The following PHF24 variants were observed in gnomAD, a reference collection of about 807,000 sequenced individuals.
The protein encoded by PHF24 is Galpha inhibitory interacting protein.
In PHF24, 25 loss-of-function variants were observed where a neutral mutation model predicts 42.6. The observed-to-expected ratio is 0.59, with a 90% CI of 0.43 to 0.82. PHF24 has a LOEUF of 0.82. PHF24 is among the 40% of genes least tolerant of loss of function. The probability of loss-of-function intolerance (pLI) is 0.00; values close to 1 mark genes in which losing one functional copy is unlikely to be tolerated. For synonymous variants in PHF24, 185 were observed against 204.8 expected (o/e 0.90, Z 0.83); for missense variants, 470 against 538.1 (o/e 0.87, Z 1.25).
At chr9:34,850,982 G>A in the PHF24 span, among the ~76,000 whole-genome samples, 1 of 152,276 alleles carries the variant, frequency 6.6e-6, no homozygotes, top group Admixed American at 6.5e-5. Flanking sequence ...GGAGTACCCG[G>A]CCATGTGAGG....
the PHF24 span, among the ~76,000 whole-genome samples, chr9:34,671,833 A>G: frequency 9.9e-5 from 15 of 151,778 alleles, no homozygotes; most frequent in Admixed American, 1.3e-4. Flanking sequence ...CCATCCATCC[A>G]TCCATCCATC....
chr9:34,936,680 C>T, the PHF24 span, among the ~76,000 whole-genome samples: 2 of 151,652 alleles, frequency 1.3e-5, no homozygotes, highest in African/African-American at 4.9e-5. Context: ...CTCTGCCCGG[C>T]CACCCATCGT....
At chr9:34,882,611 C>G in the PHF24 span, among the ~76,000 whole-genome samples, 1 of 150,772 alleles carries the variant, frequency 6.6e-6, no homozygotes, top group Non-Finnish European at 1.5e-5. Context: ...CTCCTGTTCA[C>G]AATTGCTTCA....
the PHF24 span, among the ~76,000 whole-genome samples, chr9:34,840,053 G>A: frequency 6.6e-6 from 1 of 152,172 alleles, no homozygotes; most frequent in African/African-American, 2.4e-5. Context: ...CTTTAGCAGA[G>A]GTGCAGATGA....
chr9:34,678,878 C>T, the PHF24 span, among the ~76,000 whole-genome samples: 127 of 152,344 alleles, frequency 8.3e-4, 1 homozygote, highest in Non-Finnish European at 1.2e-3. Flanking sequence ...GATCCGTCTG[C>T]CTTGGCCTCC....
At chr9:34,927,354 C>T in the PHF24 span, among the ~76,000 whole-genome samples, 2 of 152,070 alleles carry the variant, frequency 1.3e-5, no homozygotes, top group African/African-American at 2.4e-5. Context: ...CAGTGGCTAC[C>T]GGCCCCCAGA....
At chr9:34,924,686 T>C in the PHF24 span, among the ~76,000 whole-genome samples, 1 of 152,220 alleles carries the variant, frequency 6.6e-6, no homozygotes, top group Non-Finnish European at 1.5e-5. Flanking sequence ...AGTGTGTTTC[T>C]TGTAGGCAGC....
At chr9:34,954,203 C>T (rs1393123296), upstream of PHF24, among the ~76,000 whole-genome samples, 2 of 152,238 alleles carry the variant, frequency 1.3e-5, no homozygotes, top group African/African-American at 2.4e-5. Flanking sequence ...AGAACCAAGA[C>T]GTAGGAAGAG....
At chr9:34,822,694 T>A in the PHF24 span, among the ~76,000 whole-genome samples, 1 of 152,172 alleles carries the variant, frequency 6.6e-6, no homozygotes, top group Non-Finnish European at 1.5e-5. Context: ...TGGACCTTGT[T>A]TAAAAAACAG....
At chr9:34,764,442 A>G in the PHF24 span, among the ~76,000 whole-genome samples, 28,920 of 151,118 alleles carry the variant, frequency 0.19, 1,414 homozygotes, top group African/African-American at 0.32. Flanking sequence ...TGTATGTGTC[A>G]AGGAATTTAT....
At chr9:34,826,806 T>C in the PHF24 span, among the ~76,000 whole-genome samples, 1 of 152,174 alleles carries the variant, frequency 6.6e-6, no homozygotes, top group Non-Finnish European at 1.5e-5. Context: ...CACTGATGTA[T>C]TCCTAGCATC....
the PHF24 span, chr9:34,917,717 A>G: frequency 1.3e-6 from 1 of 797,908 alleles, no homozygotes; most frequent in South Asian, 1.3e-5. Flanking sequence ...GGCTCATTAC[A>G]GCGCCTGCTT....
chr9:34,951,646 C>A, the PHF24 span, among the ~76,000 whole-genome samples: 4 of 152,144 alleles, frequency 2.6e-5, no homozygotes, highest in African/African-American at 9.7e-5. Flanking sequence ...TGATTTTATC[C>A]CCCATAGGAC....
At chr9:34,769,457 C>T in the PHF24 span, among the ~76,000 whole-genome samples, 1 of 152,118 alleles carries the variant, frequency 6.6e-6, no homozygotes, top group African/African-American at 2.4e-5. Context: ...ATACCATATT[C>T]TAAGGGATAG....
the PHF24 span, among the ~76,000 whole-genome samples, chr9:34,950,574 T>G: frequency 6.6e-6 from 1 of 152,072 alleles, no homozygotes; most frequent in African/African-American, 2.4e-5. Flanking sequence ...AATTTGGGAA[T>G]GTTTATATCA....
At chr9:34,959,452 T>C (rs1300859658) in intron 1 of PHF24, among the ~76,000 whole-genome samples, 1 of 152,164 alleles carries the variant, frequency 6.6e-6, no homozygotes. Context: ...AAAAACATAA[T>C]CATAAAATGT....
chr9:34,706,040 G>T, the PHF24 span, among the ~76,000 whole-genome samples: 10 of 152,136 alleles, frequency 6.6e-5, no homozygotes. Context: ...CAAGATAGAG[G>T]TATTTTAAAA....
At chr9:34,735,133 C>CTTTTTTTT in the PHF24 span, among the ~76,000 whole-genome samples, 24 of 112,486 alleles carry the variant, frequency 2.1e-4, no homozygotes, top group African/African-American at 2.9e-4. Flanking sequence ...TTTCTTTTTT[C>CTTTTTTTT]TTTTTTTTTT....
At chr9:34,735,799 TAAA>T in the PHF24 span, among the ~76,000 whole-genome samples, 1 of 137,258 alleles carries the variant, frequency 7.3e-6, no homozygotes, top group Non-Finnish European at 1.6e-5. Context: ...AGACTCCCTC[TAAA>T]AAAAAAAAAG....
Sources: allele counts gnomAD v4.1 joint callset (sites outside exome capture counted in the v4.1 genomes callset), GRCh38; gene constraint gnomAD v4.1.1; transcripts MANE v1.5; gene names NCBI Gene and HGNC (gene_info 2026-07-23, HGNC 2026-07-21).